The following SH3TC1 variants were observed in gnomAD, a reference collection of about 807,000 sequenced individuals.
SH3TC1 encodes the protein SH3 domain and tetratricopeptide repeats 1.
SH3TC1 carries 135 observed loss-of-function variants against 117.3 expected under a neutral mutation model. That is an observed-to-expected ratio of 1.15 (90% CI 1.00 to 1.33). The LOEUF (loss-of-function observed/expected upper bound fraction) is 1.33, where lower values mean the gene tolerates loss of function less well. Among genes scored for constraint, SH3TC1 ranks in the 40% most tolerant of loss-of-function variants. The pLI is 0.00. For missense variants in SH3TC1, 2,092 were observed against 1,794.3 expected, an observed-to-expected ratio of 1.17 and a Z score of -3.00; for synonymous variants, 898 against 816.9, an observed-to-expected ratio of 1.10 and a Z score of -1.69.
Position 8,203,300 on chromosome 4 carries a change from T to G in SH3TC1, c.-28-1867T>G, listed in dbSNP as rs536657703. 5.2e-4 allele frequency among the ~76,000 whole-genome samples: 75 copies of G among 144,046 alleles called. 1 individual carries two copies. In the East Asian group the frequency reaches 0.014, roughly 26 times the overall value. 94.5% of individuals were successfully genotyped at this position (144,046 alleles called of 152,430 possible). A position where few individuals can be genotyped will look rare whatever the true frequency, so the allele number is the denominator to read the frequency against. On this transcript the variant is annotated intron_variant, in intron 1 of 17. Coordinates refer to ENST00000245105, the MANE Select transcript of SH3TC1 (RefSeq NM_018986.5). ...TGCGTGTGTGTGTGTGTGTGTGTGC[T>G]TGCACACAGGCTTGAGAATTGCCTA...
At chr4:8,235,758 G>C in intron 15 of SH3TC1, 1 of 612,136 alleles carries the variant, frequency 1.6e-6, no homozygotes, top group Non-Finnish European at 2.5e-6. Context: ...CACAGCAATG[G>C]CCTTACCCTT....
rs1283737169 is a variant in SH3TC1, at chr4:8,227,429, G to T, written c.1735G>T (p.Ala579Ser). ...LCSRRLKLSQ[A>S]RVYFEEALGA... ...CAGCAGGAGGCTCAAGCTGTCCCAG[G>T]CCCGGGTGTACTTTGAGGAAGCGCT... Residue 579 changes from alanine to serine, a missense_variant, in exon 12 of 18, where the codon GCC (alanine) becomes TCC (serine). By Grantham distance (99) the Ala-to-Ser change is moderately conservative. Coordinates refer to ENST00000245105, the MANE Select transcript of SH3TC1 (RefSeq NM_018986.5). 1.7e-5 allele frequency: 27 copies of T among 1,556,710 alleles called. No homozygotes were observed. Among genetic ancestry groups the T allele is most frequent in the Non-Finnish European group, 2.3e-5 (27 of 1,154,922 alleles).
chr4:8,236,469 T>C, intron 16 of SH3TC1, 41 bp downstream of exon 16: 1 of 1,421,556 alleles, frequency 7.0e-7, no homozygotes, highest in Non-Finnish European at 9.2e-7. Flanking sequence ...ACCCACACTT[T>C]GCCAGAGCTC....
rs902315098 is a variant in SH3TC1, at chr4:8,190,293, G to A, written c.-57+8083G>A. Among the ~76,000 whole-genome samples the A allele has an allele frequency of 5.3e-5, 8 of 152,294 alleles. 1 individual carries two copies. Among genetic ancestry groups the A allele is most frequent in the African/African-American group, 1.4e-4 (6 of 41,572 alleles). ...GCTGGGAGGACTTCACTCCTTCGGCGGAGTTGGGGGACTGTGTGCTTGGGT... is the reference window on the plus strand; with the variant it reads ...GCTGGGAGGACTTCACTCCTTCGGCAGAGTTGGGGGACTGTGTGCTTGGGT... On this transcript the variant is annotated intron_variant, in intron 1 of 16. Transcript: ENST00000508641. The surrounding 1 kb of genome is among the most constrained non-coding windows in gnomAD (Gnocchi z 4.7).
In SH3TC1 at chr4:8,228,353, T is replaced by C. The variant is rs535065160; in HGVS notation, c.2659T>C (p.Tyr887His). Residue 887 changes from tyrosine (Y) to histidine (H), a missense_variant, in exon 12 of 18, where the codon TAC becomes CAC. By Grantham distance (83) the Tyr-to-His change is moderately conservative. Coordinates refer to ENST00000245105, the MANE Select transcript of SH3TC1 (RefSeq NM_018986.5). ...GACGAGGCAGGCAGCTGAGAGCTAC[T>C]ACCGCGCCCTGCGGGTGGCTCGGGA... is the stretch of plus-strand genomic sequence containing the variant. ...GRTRQAAESY[Y>H]RALRVARDLG... 2.5e-6 allele frequency: 4 copies of C among 1,611,806 alleles called. No homozygotes were observed. In the South Asian group the frequency reaches 4.4e-5, roughly 18 times the overall value.
At chr4:8,196,307 T>C (rs1317419030), upstream of SH3TC1, among the ~76,000 whole-genome samples, 2 of 152,066 alleles carry the variant, frequency 1.3e-5, no homozygotes, top group Non-Finnish European at 2.9e-5. The surrounding 1 kb of genome is among the most constrained non-coding windows in gnomAD (Gnocchi z 4.6). Context: ...GAGGCACGAA[T>C]GTGACCCTCG....
chr4:8,216,327 C>T, intron 6 of SH3TC1, 70 bp downstream of exon 6: 1 of 1,552,484 alleles, frequency 6.4e-7, no homozygotes, highest in Non-Finnish European at 8.7e-7. Flanking sequence ...GGGTGACAGC[C>T]TGGATCCCGC....
At position 8,219,517 on chromosome 4, in the gene SH3TC1, GGCCCCGTGTCCGAGTGAGTGGCTGGA is replaced by G; in HGVS notation, c.1106_1112+19del. The G allele has an allele frequency of 6.4e-7, 1 of 1,569,974 alleles. No homozygotes were observed. Among genetic ancestry groups the G allele is most frequent in the Non-Finnish European group, 8.7e-7 (1 of 1,151,612 alleles). On this transcript the variant is annotated splice_donor_variant and splice_donor_5th_base_variant and coding_sequence_variant and intron_variant, in exon 9 of 18. Coordinates refer to ENST00000245105, the MANE Select transcript of SH3TC1 (RefSeq NM_018986.5). LOFTEE classifies it high-confidence loss of function. ...GCGGAGCAGCCTCATCAGCATGCAG[GGCCCCGTGTCCGAGTGAGTGGCTGGA>G]GCCCCGCCCCTTTCCTGAACCCACC... is the stretch of plus-strand genomic sequence containing the variant.
intron 15 of SH3TC1, chr4:8,235,862 A>G: frequency 2.6e-6 from 1 of 378,716 alleles, no homozygotes. Context: ...GGGACACGTC[A>G]AAGGACACAC....
At chr4:8,201,137 G>A (rs56398014) in intron 1 of SH3TC1, among the ~76,000 whole-genome samples, 3,282 of 152,218 alleles carry the variant, frequency 0.022, 70 homozygotes, top group African/African-American at 0.062. Flanking sequence ...TATTTGTTCC[G>A]TAAGAGCCTG....
rs759576644 is a variant in SH3TC1, at chr4:8,233,412, A to T, written c.3181A>T (p.Ile1061Phe). ...CACCAAACGAAGTCTGGGGATTTTC[A>T]TTGACCTCCAGAAGAAAGAGAAGGA... ...DYTKRSLGIF[I>F]DLQKKEKEAH... Residue 1061 changes from isoleucine to phenylalanine, a missense_variant, in exon 14 of 18, where the codon ATT becomes TTT. Physicochemically the swap from Ile to Phe is conservative, Grantham distance 21 (BLOSUM62 0). Transcript: ENST00000245105. 17 of 1,613,850 alleles carry T rather than the reference A, an allele frequency of 1.1e-5. No individual in the cohort carries two copies. In the African/African-American group the frequency reaches 1.3e-4, roughly 13 times the overall value.
At position 8,186,011 on chromosome 4, in the gene SH3TC1, G is replaced by A. The variant is rs912813176; in HGVS notation, c.-57+3801G>A. Among the ~76,000 whole-genome samples the A allele has an allele frequency of 6.6e-6, 1 of 152,206 alleles. No individual in the cohort carries two copies. Among genetic ancestry groups the A allele is most frequent in the African/African-American group, 2.4e-5 (1 of 41,450 alleles). On this transcript the variant is annotated intron_variant, in intron 1 of 16. Transcript: ENST00000508641. The surrounding 1 kb of genome is among the most constrained non-coding windows in gnomAD (Gnocchi z 5.2). ...GGGGTCTTTTTGCACTCCCTGACAG[G>A]GGGACATTGAGCAACATTTCCTACA...
In SH3TC1 at chr4:8,235,520, G is replaced by A. The variant is rs773541308; in HGVS notation, c.3370G>A (p.Ala1124Thr). 2 of 1,606,584 alleles carry A rather than the reference G, an allele frequency of 1.2e-6. No homozygotes were observed. Among genetic ancestry groups the A allele is most frequent in the Non-Finnish European group, 1.7e-6 (2 of 1,175,930 alleles). The change falls in exon 15 of 18, where the codon GCC (alanine) becomes ACC (threonine). Residue 1124 changes from alanine (A) to threonine (T), a missense_variant. Ala to Thr is a moderately conservative substitution (Grantham distance 58, BLOSUM62 0). Transcript: ENST00000245105. ...EAAGDIFFDG[A>T]WEREKAVSFY... Reference sequence around the variant, plus strand: ...GGCTGGAGACATCTTCTTCGACGGGGCCTGGGAGCGGGAGAAAGCTGTGTC... The same window carrying A: ...GGCTGGAGACATCTTCTTCGACGGGACCTGGGAGCGGGAGAAAGCTGTGTC...
At position 8,237,658 on chromosome 4, in the gene SH3TC1, C is replaced by G. The variant is rs573583669; in HGVS notation, c.3741C>G (p.Phe1247Leu). 1 of 1,604,372 alleles carries G rather than the reference C, an allele frequency of 6.2e-7. No individual in the cohort carries two copies. The highest frequency in any genetic ancestry group is 1.1e-5 in the South Asian group (1 of 89,722). The change falls in exon 17 of 18, where the codon TTC becomes TTG. Residue 1247 changes from phenylalanine (F) to leucine (L), a missense_variant. Physicochemically the swap from Phe to Leu is conservative, Grantham distance 22. Coordinates refer to ENST00000245105, the MANE Select transcript of SH3TC1 (RefSeq NM_018986.5). ...KVYLVLGDIIFYDLKDPFDAA... is the reference protein window; with the variant it reads ...KVYLVLGDIILYDLKDPFDAA... ...ACCTGGTGCTCGGTGACATCATCTT[C>G]TACGACCTGAAGGTGGGTGGGGAGG...
chr4:8,227,654 C>A lies in SH3TC1; in HGVS notation c.1960C>A (p.Arg654=). ...EGELLQLALR[R]AVGGQSLQAE... ...GGAGCTCCTGCAGCTGGCGCTGCGGCGGGCGGTGGGTGGCCAGAGCCTGCA... is the reference window on the plus strand; with the variant it reads ...GGAGCTCCTGCAGCTGGCGCTGCGGAGGGCGGTGGGTGGCCAGAGCCTGCA... The change falls in exon 12 of 18, where the codon CGG becomes AGG. Residue 654 remains arginine, a synonymous_variant. Coordinates refer to ENST00000245105, the MANE Select transcript of SH3TC1 (RefSeq NM_018986.5). The A allele has an allele frequency of 6.5e-7, 1 of 1,527,094 alleles. No individual in the cohort carries two copies. The highest frequency in any genetic ancestry group is 8.8e-7 in the Non-Finnish European group (1 of 1,139,438). The allele number at this position is 1,527,094 out of a possible 1,614,324, so 94.6% of individuals were successfully genotyped here.
At chr4:8,215,184 G>A (rs960295101) in intron 5 of SH3TC1, 9 of 456,166 alleles carry the variant, frequency 2.0e-5, no homozygotes, top group East Asian at 6.9e-5. Flanking sequence ...CTTGAGGGAA[G>A]CTGCCGTCCA....
rs189765384 is a variant in SH3TC1 at position 8,200,805 on chromosome 4, G to A, written c.-29+1400G>A. 3.0e-4 allele frequency among the ~76,000 whole-genome samples: 46 copies of A among 152,292 alleles called. 1 individual carries two copies. In the East Asian group the frequency reaches 8.5e-3, roughly 28 times the overall value. On this transcript the variant is annotated intron_variant, in intron 1 of 17. Transcript: ENST00000245105. Reference sequence around the variant, plus strand: ...CTTCCCGCTGCCTGTGGCTCAGGGCGCTCCTTGGCTGTGATTACATCAGTC... The same window carrying A: ...CTTCCCGCTGCCTGTGGCTCAGGGCACTCCTTGGCTGTGATTACATCAGTC...
intron 1 of SH3TC1, among the ~76,000 whole-genome samples, chr4:8,188,258 G>C (rs1233081968): frequency 6.6e-6 from 1 of 152,146 alleles, no homozygotes; most frequent in East Asian, 1.9e-4. Context: ...CTCCATGGCT[G>C]TCTCCACCAT....
intron 5 of SH3TC1, 98 bp from the exon 6 acceptor site, chr4:8,216,012 TG>T: frequency 7.1e-7 from 1 of 1,409,698 alleles, no homozygotes; most frequent in Non-Finnish European, 9.7e-7. Flanking sequence ...TCCCTGGACC[TG>T]GTCAGTGCAG....
Sources: gnomAD v4.1 joint callset for allele counts (sites outside exome capture counted in the v4.1 genomes callset) on GRCh38, gnomAD v4.1.1 for gene constraint, Gnocchi (gnomAD v3.1) non-coding constraint, MANE v1.5 for transcripts, NCBI Gene and HGNC (gene_info 2026-07-23, HGNC 2026-07-21) for gene names.